CDK14: variants seen among roughly 807,000 people sequenced by gnomAD.
CDK14 encodes cyclin dependent kinase 14, also known as cyclin-dependent kinase 14.
CDK14 carries 34 observed loss-of-function variants against 60.7 expected under a neutral mutation model. That is an observed-to-expected ratio of 0.56 (90% CI 0.43 to 0.75). The LOEUF (loss-of-function observed/expected upper bound fraction) is 0.75. Among genes scored for constraint, CDK14 ranks in the 30% least tolerant of loss-of-function variants. The pLI, the probability that CDK14 is intolerant of heterozygous loss-of-function variation, is 0.00. For synonymous variants in CDK14, 197 were observed against 203.7 expected (o/e 0.97, Z 0.28); for missense variants, 482 against 564.1 (o/e 0.85, Z 1.47).
intron 14 of CDK14, among the ~76,000 whole-genome samples, chr7:91,164,673 A>G (rs957505867): frequency 2.0e-5 from 3 of 152,216 alleles, no homozygotes; most frequent in Non-Finnish European, 4.4e-5. Flanking sequence ...CGAAATACAA[A>G]TGGAAACTGT....
intron 2 of CDK14, among the ~76,000 whole-genome samples, chr7:90,675,946 A>G (rs1801190510): frequency 6.6e-6 from 1 of 152,230 alleles, no homozygotes; most frequent in African/African-American, 2.4e-5. Context: ...GGGGATGGCA[A>G]AGAGCCTTCA....
intron 14 of CDK14, among the ~76,000 whole-genome samples, chr7:91,146,839 T>G (rs1299204739): frequency 1.3e-5 from 2 of 152,216 alleles, no homozygotes; most frequent in Non-Finnish European, 2.9e-5. Flanking sequence ...ACCCGCATTT[T>G]CTACCTTCTT....
chr7:90,829,207 A>G (rs997737358), intron 5 of CDK14, among the ~76,000 whole-genome samples: 3 of 152,116 alleles, frequency 2.0e-5, no homozygotes, highest in Admixed American at 6.6e-5. Context: ...TTGGGTGGGG[A>G]CACAGCCAAA....
At chr7:90,799,624 A>G (rs1193436880) in intron 5 of CDK14, among the ~76,000 whole-genome samples, 1 of 128,692 alleles carries the variant, frequency 7.8e-6, no homozygotes, top group Non-Finnish European at 1.6e-5. Context: ...TGGGAGGCAG[A>G]GGTTGTAGTG....
At chr7:90,692,421 AG>A (rs1171522519) in intron 2 of CDK14, among the ~76,000 whole-genome samples, 2 of 152,230 alleles carry the variant, frequency 1.3e-5, no homozygotes, top group Non-Finnish European at 1.5e-5. Flanking sequence ...TGTTAATTAA[AG>A]AATTAGCTTA....
At chr7:90,892,586 A>G (rs994338681) in intron 6 of CDK14, among the ~76,000 whole-genome samples, 1 of 152,198 alleles carries the variant, frequency 6.6e-6, no homozygotes, top group Non-Finnish European at 1.5e-5. Context: ...AGAGAAATCA[A>G]ATCAATATGG....
chr7:90,959,553 C>G (rs189818051), intron 9 of CDK14, among the ~76,000 whole-genome samples: 1 of 152,020 alleles, frequency 6.6e-6, no homozygotes, highest in South Asian at 2.1e-4. Flanking sequence ...AGCAGGGAGG[C>G]AGGTGGCAGT....
In CDK14 at chr7:91,205,030, A is replaced by AT. The variant is rs550531075; in HGVS notation, c.*29-2127dup. Among the ~76,000 whole-genome samples the AT allele has an allele frequency of 4.8e-4, 73 of 152,076 alleles. No homozygotes were observed. The South Asian group carries it at 6.9e-3, about 14-fold the overall frequency. ...GTTCATACCCACTAGGATGGCTATA[A>AT]TTTTTTTTAAACAAACAAATGTTTT... On this transcript the variant is annotated intron_variant, in intron 14 of 14. Transcript: ENST00000380050.
chr7:91,144,042 C>T (rs188159591), intron 14 of CDK14, among the ~76,000 whole-genome samples: 37 of 152,206 alleles, frequency 2.4e-4, no homozygotes, highest in African/African-American at 8.7e-4. Context: ...TAAGCCTGTG[C>T]AGCTATTTAG....
intron 14 of CDK14, among the ~76,000 whole-genome samples, chr7:91,147,536 A>G (rs1178778317): frequency 6.6e-6 from 1 of 152,192 alleles, no homozygotes; most frequent in East Asian, 1.9e-4. Context: ...TATAAATTAT[A>G]TCCTCTGCTT....
At chr7:91,052,944 T>C (rs1368559763) in intron 11 of CDK14, among the ~76,000 whole-genome samples, 2 of 152,102 alleles carry the variant, frequency 1.3e-5, no homozygotes, top group Non-Finnish European at 2.9e-5. Context: ...TACAGACACA[T>C]TGACCTTAAA....
intron 12 of CDK14, among the ~76,000 whole-genome samples, chr7:91,088,257 G>A (rs1276609603): frequency 6.6e-6 from 1 of 152,224 alleles, no homozygotes; most frequent in Non-Finnish European, 1.5e-5. Flanking sequence ...GAGGAAAATG[G>A]GAAGGGGATT....
intron 12 of CDK14, among the ~76,000 whole-genome samples, chr7:91,097,988 G>A (rs745817688): frequency 7.9e-5 from 12 of 152,190 alleles, no homozygotes; most frequent in Non-Finnish European, 1.3e-4. Flanking sequence ...GTGGGTTAGA[G>A]AAGGCAGATA....
At chr7:91,119,933 TCAGA>T (rs1257836462) in intron 14 of CDK14, among the ~76,000 whole-genome samples, 1 of 152,202 alleles carries the variant, frequency 6.6e-6, no homozygotes. Flanking sequence ...TTTCAATTGG[TCAGA>T]CAAAGAGTGG....
Position 90,598,929 on chromosome 7 carries a change from C to T in CDK14, c.91+2211C>T, listed in dbSNP as rs373772825. Reference sequence around the variant, plus strand: ...CCGTTTTAGCCGGGATGGTCTCGATCTCCTGACCTCGTGATCCGCCCGCCT... The same window carrying T: ...CCGTTTTAGCCGGGATGGTCTCGATTTCCTGACCTCGTGATCCGCCCGCCT... On this transcript the variant is annotated intron_variant, in intron 1 of 14. Coordinates refer to ENST00000380050, the MANE Select transcript of CDK14 (RefSeq NM_001287135.2). 7.2e-5 allele frequency among the ~76,000 whole-genome samples: 11 copies of T among 151,902 alleles called. No homozygotes were observed. In the South Asian group the frequency reaches 1.5e-3, roughly 20 times the overall value.
At chr7:91,065,399 A>G (rs1797946250) in intron 11 of CDK14, among the ~76,000 whole-genome samples, 1 of 152,228 alleles carries the variant, frequency 6.6e-6, no homozygotes, top group East Asian at 1.9e-4. Context: ...AGAGTAACAT[A>G]CATATTATTC....
intron 3 of CDK14, among the ~76,000 whole-genome samples, chr7:90,745,401 A>G (rs1803551623): frequency 6.6e-6 from 1 of 152,216 alleles, no homozygotes. Flanking sequence ...ATTACAATCT[A>G]TGACAATATG....
intron 14 of CDK14, among the ~76,000 whole-genome samples, chr7:91,206,811 T>C (rs1311282175): frequency 6.6e-6 from 1 of 152,198 alleles, no homozygotes; most frequent in East Asian, 1.9e-4. Context: ...TTTAATGGTC[T>C]GTATGATGCT....
intron 11 of CDK14, among the ~76,000 whole-genome samples, chr7:91,059,896 A>G (rs1797722738): frequency 6.6e-6 from 1 of 152,170 alleles, no homozygotes; most frequent in Non-Finnish European, 1.5e-5. Context: ...TTTGGGGTGG[A>G]GAGTTCTGTA....
Sources: allele counts gnomAD v4.1 joint callset (sites outside exome capture counted in the v4.1 genomes callset), GRCh38; gene constraint gnomAD v4.1.1; transcripts MANE v1.5; gene names NCBI Gene and HGNC (gene_info 2026-07-23, HGNC 2026-07-21).